The following CBLB variants were observed in gnomAD, a reference collection of about 807,000 sequenced individuals.
CBLB encodes Cbl proto-oncogene B.
A neutral mutation model predicts 104.9 loss-of-function variants in CBLB; 31 were observed. The observed-to-expected ratio is 0.30, with a 90% CI of 0.22 to 0.40. The LOEUF is 0.40. CBLB is among the 10% of genes least tolerant of loss of function. The probability of loss-of-function intolerance (pLI) is 1.00; values close to 1 mark genes in which losing one functional copy is unlikely to be tolerated. For missense variants in CBLB, 1,062 were observed against 1,214.6 expected (o/e 0.87, Z 1.87); for synonymous variants, 440 against 422.6 (o/e 1.04, Z -0.51).
chr3:105,720,884 TCTTG>T, intron 9 of CBLB, among the ~76,000 whole-genome samples: 1 of 152,344 alleles, frequency 6.6e-6, no homozygotes, highest in Non-Finnish European at 1.5e-5. Context: ...TTTGCCCTTA[TCTTG>T]CTTTTAAACA....
intron 2 of CBLB, among the ~76,000 whole-genome samples, chr3:105,864,720 G>A (rs2092325414): frequency 6.6e-6 from 1 of 152,096 alleles, no homozygotes; most frequent in Admixed American, 6.6e-5. Context: ...GCAAAAGCCT[G>A]CCCTCTGAAA....
At chr3:105,667,483 C>T (rs905434788) in intron 18 of CBLB, among the ~76,000 whole-genome samples, 9 of 152,012 alleles carry the variant, frequency 5.9e-5, no homozygotes, top group Admixed American at 1.3e-4. Flanking sequence ...TCCTATATAC[C>T]GATATATGTG....
intron 3 of CBLB, among the ~76,000 whole-genome samples, chr3:105,825,885 C>A (rs536641554): frequency 6.6e-6 from 1 of 152,140 alleles, no homozygotes; most frequent in Non-Finnish European, 1.5e-5. Context: ...AGATCGACCC[C>A]AATTTTTATA....
At chr3:105,745,795 A>G in intron 6 of CBLB, 122 bp downstream of exon 6, 1 of 873,668 alleles carries the variant, frequency 1.1e-6, no homozygotes, top group Non-Finnish European at 1.9e-6. Context: ...TTGGTCTTTT[A>G]CCTTTTCTAG....
intron 3 of CBLB, among the ~76,000 whole-genome samples, chr3:105,848,463 C>A (rs1279996521): frequency 6.6e-6 from 1 of 152,046 alleles, no homozygotes; most frequent in Non-Finnish European, 1.5e-5. Context: ...CTATTTATTA[C>A]ATTTATGTAA....
chr3:105,810,153 A>G (rs1167392612), intron 3 of CBLB, among the ~76,000 whole-genome samples: 1 of 152,176 alleles, frequency 6.6e-6, no homozygotes, highest in African/African-American at 2.4e-5. Flanking sequence ...TCTGCTATGA[A>G]TTTATACCTG....
intron 3 of CBLB, among the ~76,000 whole-genome samples, chr3:105,800,398 G>A (rs59611997): frequency 0.12 from 17,832 of 152,050 alleles, 1,271 homozygotes; most frequent in East Asian, 0.41. Context: ...GCTGCATATC[G>A]GAATCATCTG....
intron 3 of CBLB, among the ~76,000 whole-genome samples, chr3:105,812,054 T>A (rs1296482686): frequency 6.6e-6 from 1 of 152,078 alleles, no homozygotes; most frequent in Non-Finnish European, 1.5e-5. Context: ...CTCCCTTCCC[T>A]TCTTGTTTGT....
chr3:105,780,091 G>C (rs1577120562), intron 3 of CBLB, among the ~76,000 whole-genome samples: 2 of 151,744 alleles, frequency 1.3e-5, no homozygotes, highest in East Asian at 3.9e-4. Context: ...GACCTCAGGT[G>C]ATCTAACCAT....
At chr3:105,661,146 A>T (rs1559716247) in intron 18 of CBLB, among the ~76,000 whole-genome samples, 1 of 152,120 alleles carries the variant, frequency 6.6e-6, no homozygotes, top group Admixed American at 6.6e-5. Flanking sequence ...TTGTAACAAA[A>T]TGTCCAGTTT....
intron 10 of CBLB, among the ~76,000 whole-genome samples, chr3:105,711,281 G>T (rs966018161): frequency 2.6e-5 from 4 of 151,900 alleles, no homozygotes; most frequent in Admixed American, 2.6e-4. Flanking sequence ...AGGATGATGA[G>T]AAGGACTCAG....
intron 13 of CBLB, among the ~76,000 whole-genome samples, chr3:105,692,964 C>T (rs1469853895): frequency 2.7e-5 from 4 of 150,428 alleles, no homozygotes; most frequent in Non-Finnish European, 4.4e-5. Context: ...ACTAACTCTC[C>T]GATCATAAGA....
chr3:105,740,683 A>T (rs1212424298), intron 6 of CBLB, 52 bp from the exon 7 acceptor site: 24 of 1,478,570 alleles, frequency 1.6e-5, no homozygotes, highest in Non-Finnish European at 2.3e-5. Context: ...ATAAATCAAT[A>T]CTAAACAATT....
At chr3:105,786,986 T>C (rs1475645929) in intron 3 of CBLB, among the ~76,000 whole-genome samples, 1 of 152,198 alleles carries the variant, frequency 6.6e-6, no homozygotes, top group East Asian at 1.9e-4. Flanking sequence ...AACACTAATT[T>C]AGATGTCAAT....
intron 3 of CBLB, among the ~76,000 whole-genome samples, chr3:105,782,971 T>C (rs572054125): frequency 6.6e-6 from 1 of 152,324 alleles, no homozygotes; most frequent in South Asian, 2.1e-4. Flanking sequence ...ATATATTTGC[T>C]TTCTAAAATA....
chr3:105,698,662 G>A (rs2068701927), intron 12 of CBLB, among the ~76,000 whole-genome samples: 2 of 143,706 alleles, frequency 1.4e-5, no homozygotes, highest in South Asian at 2.2e-4. Context: ...GATAAATTAT[G>A]TGAATAAAAC....
intron 8 of CBLB, 50 bp from the exon 9 acceptor site, chr3:105,734,190 A>T (rs6768096): frequency 6.3e-7 from 1 of 1,594,448 alleles, no homozygotes; most frequent in Non-Finnish European, 8.6e-7. Flanking sequence ...TTTCCAGCAC[A>T]AATTGTTAGT....
At chr3:105,812,056 C>T (rs958762768) in intron 3 of CBLB, among the ~76,000 whole-genome samples, 1 of 151,966 alleles carries the variant, frequency 6.6e-6, no homozygotes, top group Non-Finnish European at 1.5e-5. Context: ...CCCTTCCCTT[C>T]TTGTTTGTTT....
intron 3 of CBLB, among the ~76,000 whole-genome samples, chr3:105,805,417 G>A (rs1414529485): frequency 6.6e-6 from 1 of 151,386 alleles, no homozygotes. Context: ...CGATTCCTGT[G>A]CCTCAGCTTC....
Sources: gnomAD v4.1 joint callset for allele counts (sites outside exome capture counted in the v4.1 genomes callset) on GRCh38, gnomAD v4.1.1 for gene constraint, MANE v1.5 for transcripts, NCBI Gene and HGNC (gene_info 2026-07-23, HGNC 2026-07-21) for gene names.